The following MIPOL1 variants were observed in gnomAD, a reference collection of about 807,000 sequenced individuals.
The protein encoded by MIPOL1 is mirror-image polydactyly 1.
In MIPOL1, 57 loss-of-function variants were observed where a neutral mutation model predicts 60.9. The observed-to-expected ratio is 0.94, with a 90% CI of 0.76 to 1.17. MIPOL1 has a LOEUF of 1.17. MIPOL1 is among the 50% of genes most tolerant of loss of function. MIPOL1 has a pLI of 0.00. For synonymous variants in MIPOL1, 179 were observed against 168.8 expected, an observed-to-expected ratio of 1.06 and a Z score of -0.47; for missense variants, 551 against 511.6, an observed-to-expected ratio of 1.08 and a Z score of -0.74.
intron 11 of MIPOL1, among the ~76,000 whole-genome samples, chr14:37,492,655 T>G (rs1016049971): frequency 2.0e-5 from 3 of 152,150 alleles, no homozygotes; most frequent in Non-Finnish European, 2.9e-5. Context: ...ATTCAGTAGG[T>G]AAGTTTTTTT....
chr14:37,496,504 A>G (rs568885020), intron 11 of MIPOL1, among the ~76,000 whole-genome samples: 9 of 144,958 alleles, frequency 6.2e-5, no homozygotes, highest in Non-Finnish European at 1.4e-4. Flanking sequence ...TTATACACCA[A>G]TAACAGACAA....
At chr14:37,295,537 A>G (rs1377081751) in intron 7 of MIPOL1, among the ~76,000 whole-genome samples, 1 of 152,188 alleles carries the variant, frequency 6.6e-6, no homozygotes, top group Non-Finnish European at 1.5e-5. Flanking sequence ...AAGACCCATC[A>G]GTATGCTGTA....
intron 10 of MIPOL1, among the ~76,000 whole-genome samples, chr14:37,410,926 G>T (rs2093671369): frequency 1.3e-5 from 2 of 151,968 alleles, no homozygotes; most frequent in African/African-American, 4.8e-5. Context: ...CATAGAACTA[G>T]CGAGGAAAGT....
chr14:37,334,638 T>G (rs1280391907), intron 9 of MIPOL1, among the ~76,000 whole-genome samples: 1 of 151,972 alleles, frequency 6.6e-6, no homozygotes, highest in African/African-American at 2.4e-5. Context: ...AGAACCCCTG[T>G]ACCCATTAAT....
intron 1 of MIPOL1, among the ~76,000 whole-genome samples, chr14:37,213,142 A>T (rs1474246222): frequency 6.6e-6 from 1 of 152,128 alleles, no homozygotes; most frequent in African/African-American, 2.4e-5. Flanking sequence ...TAAATACCTA[A>T]CTCTTCAATG....
chr14:37,393,523 C>CT (rs2093301069), intron 10 of MIPOL1, among the ~76,000 whole-genome samples: 3 of 151,298 alleles, frequency 2.0e-5, no homozygotes, highest in South Asian at 4.2e-4. Flanking sequence ...GTTCATTCTT[C>CT]TTTTTCTAGG....
intron 7 of MIPOL1, among the ~76,000 whole-genome samples, chr14:37,287,031 T>C (rs556960487): frequency 5.9e-5 from 9 of 152,208 alleles, no homozygotes; most frequent in African/African-American, 1.9e-4. Context: ...GAACCCAGTC[T>C]ATCTTTGAAT....
At chr14:37,264,168 CTTCTCTT>C (rs2082702085) in intron 3 of MIPOL1, among the ~76,000 whole-genome samples, 1 of 152,100 alleles carries the variant, frequency 6.6e-6, no homozygotes, top group South Asian at 2.1e-4. Context: ...CTGCTTTCAT[CTTCTCTT>C]GGTTAGAAAA....
At chr14:37,432,646 C>T (rs1481439979) in intron 11 of MIPOL1, among the ~76,000 whole-genome samples, 1 of 150,448 alleles carries the variant, frequency 6.6e-6, no homozygotes, top group African/African-American at 2.4e-5. Flanking sequence ...TATTTGAAAA[C>T]TATCATTGGA....
intron 10 of MIPOL1, chr14:37,401,977 C>A (rs2093491237): frequency 6.6e-6 from 1 of 151,920 alleles, no homozygotes. Context: ...CTTATTTTTG[C>A]TTTAAAATTT....
chr14:37,371,388 C>T (rs2092634412), intron 10 of MIPOL1, among the ~76,000 whole-genome samples: 1 of 152,042 alleles, frequency 6.6e-6, no homozygotes, highest in African/African-American at 2.4e-5. Flanking sequence ...GAAATTTCTG[C>T]TAACTGAAGA....
At chr14:37,283,122 A>G (rs7148545) in intron 6 of MIPOL1, among the ~76,000 whole-genome samples, 151,161 of 152,198 alleles carry the variant, frequency 0.99, 75,074 homozygotes, top group Middle Eastern at 1. Context: ...TTGGAGTGCA[A>G]TAGCGAAATC....
chr14:37,477,554 A>C (rs1471652838), intron 11 of MIPOL1, among the ~76,000 whole-genome samples: 1 of 152,170 alleles, frequency 6.6e-6, no homozygotes, highest in Non-Finnish European at 1.5e-5. Context: ...CCCTGAGATC[A>C]GTACAGATTG....
intron 3 of MIPOL1, among the ~76,000 whole-genome samples, chr14:37,258,510 A>G (rs1975340133): frequency 6.6e-6 from 1 of 152,118 alleles, no homozygotes. Flanking sequence ...GAACAACAAA[A>G]AGAGTTATGT....
At chr14:37,266,258 C>G (rs1197750298) in intron 3 of MIPOL1, among the ~76,000 whole-genome samples, 2 of 152,134 alleles carry the variant, frequency 1.3e-5, no homozygotes, top group Admixed American at 6.5e-5. Flanking sequence ...AACTATAAAA[C>G]TAGTAAACAA....
chr14:37,421,177 A>G (rs2093866905), intron 10 of MIPOL1, among the ~76,000 whole-genome samples: 1 of 152,096 alleles, frequency 6.6e-6, no homozygotes. Flanking sequence ...CAAAAACTAC[A>G]TTTCAGTGTT....
At chr14:37,297,893 T>C (rs1393480312) in intron 7 of MIPOL1, among the ~76,000 whole-genome samples, 1 of 152,082 alleles carries the variant, frequency 6.6e-6, no homozygotes. Context: ...AGGTAATTTA[T>C]AGATTTAATG....
chr14:37,537,436 G>T (rs2153639019), intron 12 of MIPOL1, among the ~76,000 whole-genome samples: 1 of 152,096 alleles, frequency 6.6e-6, no homozygotes, highest in African/African-American at 2.4e-5. Context: ...AATGATAGCT[G>T]AAATCTGACT....
intron 1 of MIPOL1, among the ~76,000 whole-genome samples, chr14:37,235,733 A>G (rs1018175539): frequency 9.9e-5 from 15 of 152,224 alleles, no homozygotes; most frequent in Admixed American, 7.8e-4. Flanking sequence ...CCCATTAAGC[A>G]GTATCTCCAT....
Sources: gnomAD v4.1 joint callset for allele counts (sites outside exome capture counted in the v4.1 genomes callset) on GRCh38, gnomAD v4.1.1 for gene constraint, MANE v1.5 for transcripts, NCBI Gene and HGNC (gene_info 2026-07-23, HGNC 2026-07-21) for gene names.